The following WTIP variants were observed in gnomAD, a reference collection of about 807,000 sequenced individuals.
WTIP encodes the protein WT1 interacting protein, also known as Wilms tumor protein 1-interacting protein.
WTIP carries 23 observed loss-of-function variants against 41.7 expected under a neutral mutation model. That is an observed-to-expected ratio of 0.55 (90% confidence interval 0.40 to 0.78). The LOEUF (loss-of-function observed/expected upper bound fraction) is 0.78. Ranked by LOEUF, WTIP falls within the 30% of genes least tolerant of loss-of-function variation. The probability of loss-of-function intolerance (pLI) is 0.00; values close to 1 mark genes in which losing one functional copy is unlikely to be tolerated. For synonymous variants in WTIP, 314 were observed against 269.9 expected, an observed-to-expected ratio of 1.16 and a Z score of -1.60; for missense variants, 619 against 610.5, an observed-to-expected ratio of 1.01 and a Z score of -0.15.
intron 2 of WTIP, 122 bp downstream of exon 2, chr19:34,490,599 G>T: frequency 9.3e-7 from 1 of 1,080,838 alleles, no homozygotes. Flanking sequence ...GCCCAGGCTG[G>T]GCTGTGGAGG....
chr19:34,510,872 A>G lies in WTIP; in HGVS notation c.*10603A>G, dbSNP rs1225934510. On this transcript the variant is annotated 3_prime_UTR_variant, in exon 8 of 8. Transcript: ENST00000590071. The stretch of plus-strand genomic sequence containing the variant: ...AAGAATCACCTTTGCTCCAGTTCCC[A>G]ACAAGTTCCTCATCTCCATCTGAGA... 1.3e-5 allele frequency: 2 copies of G among 152,248 alleles called. No homozygotes were observed. Among genetic ancestry groups the G allele is most frequent in the African/African-American group, 4.8e-5 (2 of 41,456 alleles). The allele number at this position is 152,248 out of a possible 1,614,324, so 9.4% of individuals were successfully genotyped here. A position where few individuals can be genotyped will look rare whatever the true frequency, so the allele number is the denominator to read the frequency against.
At chr19:34,497,170 C>G (rs2075859117) in intron 7 of WTIP, among the ~76,000 whole-genome samples, 1 of 152,046 alleles carries the variant, frequency 6.6e-6, no homozygotes, top group South Asian at 2.1e-4. Context: ...GCCTTCTTTT[C>G]TGAATCTTGG....
rs2075769568 is a variant in WTIP at position 34,482,049 on chromosome 19, C to T, written c.75C>T (p.Pro25=). ...LAGLALRELE[P]GCGSPGRGRR... ...GGCTGGCCCTGCGGGAGCTGGAGCC[C>T]GGGTGCGGCTCTCCCGGTCGGGGGC... The change falls in exon 1 of 8, where the codon CCC becomes CCT. Residue 25 remains proline, a synonymous_variant. Coordinates refer to ENST00000590071, the MANE Select transcript of WTIP (RefSeq NM_001080436.2). 3.9e-6 allele frequency: 4 copies of T among 1,032,752 alleles called. No individual in the cohort carries two copies. In the South Asian group the frequency reaches 1.3e-4, roughly 34 times the overall value. The allele number at this position is 1,032,752 out of a possible 1,614,324, so 64.0% of individuals were successfully genotyped here. A position where few individuals can be genotyped will look rare whatever the true frequency, so the allele number is the denominator to read the frequency against.
Position 34,500,425 on chromosome 19 carries a change from T to A in WTIP, c.*156T>A. ...GGACCCCCGCGTGGAAGCTTCTATT[T>A]ATTCACCGTCTGTGCCTGCTCAAGT... On this transcript the variant is annotated 3_prime_UTR_variant, in exon 8 of 8. Transcript: ENST00000590071. 1 of 1,088,828 alleles carries A rather than the reference T, an allele frequency of 9.2e-7. No individual in the cohort carries two copies. The highest frequency in any genetic ancestry group is 1.3e-6 in the Non-Finnish European group (1 of 794,152). The allele number at this position is 1,088,828 out of a possible 1,614,324, so 67.4% of individuals were successfully genotyped here. A position where few individuals can be genotyped will look rare whatever the true frequency, so the allele number is the denominator to read the frequency against.
At chr19:34,487,097 G>A (rs1191232867) in intron 1 of WTIP, among the ~76,000 whole-genome samples, 6 of 134,960 alleles carry the variant, frequency 4.4e-5, no homozygotes, top group Non-Finnish European at 1.5e-5. Context: ...CCCAGTCCCT[G>A]CCTGCTTTTT....
intron 1 of WTIP, among the ~76,000 whole-genome samples, chr19:34,483,130 G>A (rs957173554): frequency 6.8e-6 from 1 of 147,926 alleles, no homozygotes; most frequent in Non-Finnish European, 1.5e-5. Context: ...TCAGCCTCCC[G>A]AGAAGCTGGG....
In WTIP at chr19:34,508,421, C is replaced by T. The variant is rs1217393326; in HGVS notation, c.*8152C>T. ...ACTCCCTTAGCCTTGGTTTGGTCAC[C>T]AGAAGGAGGGGACATGAGTGAAGGT... On this transcript the variant is annotated 3_prime_UTR_variant, in exon 8 of 8. Transcript: ENST00000590071. 6.6e-6 allele frequency: 1 copy of T among 152,068 alleles called. No homozygotes were observed. The highest frequency in any genetic ancestry group is 1.5e-5 in the Non-Finnish European group (1 of 68,100). The allele number at this position is 152,068 out of a possible 1,614,324, so 9.4% of individuals were successfully genotyped here.
Position 34,500,337 on chromosome 19 carries a change from C to G in WTIP, c.*68C>G. 6.8e-7 allele frequency: 1 copy of G among 1,466,110 alleles called. No individual in the cohort carries two copies. Among genetic ancestry groups the G allele is most frequent in the Non-Finnish European group, 9.1e-7 (1 of 1,103,620 alleles). The allele number at this position is 1,466,110 out of a possible 1,614,324, so 90.8% of individuals were successfully genotyped here. A position where few individuals can be genotyped will look rare whatever the true frequency, so the allele number is the denominator to read the frequency against. On this transcript the variant is annotated 3_prime_UTR_variant, in exon 8 of 8. Coordinates refer to ENST00000590071, the MANE Select transcript of WTIP (RefSeq NM_001080436.2). Reference sequence around the variant, plus strand: ...GGAGGGAGGGCCCGCGTGGGTGGCCCTGGTCAGCGTCAGGGGAGCTCCCTC... The same window carrying G: ...GGAGGGAGGGCCCGCGTGGGTGGCCGTGGTCAGCGTCAGGGGAGCTCCCTC...
At position 34,500,158 on chromosome 19, in the gene WTIP, G is replaced by A. The variant is rs1396345193; in HGVS notation, c.1182G>A (p.Glu394=). 1.2e-6 allele frequency: 2 copies of A among 1,601,160 alleles called. No homozygotes were observed. The highest frequency in any genetic ancestry group is 1.7e-6 in the Non-Finnish European group (2 of 1,179,764). ...EDCGLQLSGE[E]GRRCYPLAGH... is the part of the protein sequence containing the mutation. ...GCGGGCTGCAGCTGAGCGGGGAGGA[G>A]GGACGCCGTTGCTATCCCCTGGCGG... The change falls in exon 8 of 8, where the codon GAG becomes GAA. Residue 394 remains glutamate, a synonymous_variant. Coordinates refer to ENST00000590071, the MANE Select transcript of WTIP (RefSeq NM_001080436.2).
In WTIP at chr19:34,501,182, C is replaced by T. The variant is rs1479417151; in HGVS notation, c.*913C>T. 6.6e-6 allele frequency: 1 copy of T among 152,538 alleles called. No individual in the cohort carries two copies. Among genetic ancestry groups the T allele is most frequent in the African/African-American group, 2.4e-5 (1 of 41,426 alleles). The allele number at this position is 152,538 out of a possible 1,614,324, so 9.4% of individuals were successfully genotyped here. A position where few individuals can be genotyped will look rare whatever the true frequency, so the allele number is the denominator to read the frequency against. Reference sequence around the variant, plus strand: ...ATAATTTTCTTCTAAGATCTTGGACCAGCCTTGTTATTTTTAAAGCAAATG... The same window carrying T: ...ATAATTTTCTTCTAAGATCTTGGACTAGCCTTGTTATTTTTAAAGCAAATG... On this transcript the variant is annotated 3_prime_UTR_variant, in exon 8 of 8. Transcript: ENST00000590071.
At chr19:34,483,625 G>A (rs2075782378) in intron 1 of WTIP, among the ~76,000 whole-genome samples, 2 of 152,240 alleles carry the variant, frequency 1.3e-5, no homozygotes, top group Admixed American at 1.3e-4. Flanking sequence ...GTTTCCTAAA[G>A]GAATCCTGCT....
At chr19:34,484,847 T>G (rs1599951490) in intron 1 of WTIP, among the ~76,000 whole-genome samples, 1 of 151,262 alleles carries the variant, frequency 6.6e-6, no homozygotes, top group East Asian at 2.0e-4. Flanking sequence ...GGAGGAGCAC[T>G]TGAACCCAGG....
intron 2 of WTIP, among the ~76,000 whole-genome samples, chr19:34,491,095 T>G (rs1360361283): frequency 6.6e-6 from 1 of 152,020 alleles, no homozygotes; most frequent in African/African-American, 2.4e-5. Flanking sequence ...CTCAAAGTGC[T>G]GGGAGTACAG....
At chr19:34,485,519 A>G (rs1200953643) in intron 1 of WTIP, among the ~76,000 whole-genome samples, 1 of 152,214 alleles carries the variant, frequency 6.6e-6, no homozygotes, top group Non-Finnish European at 1.5e-5. Context: ...TACAAAAGAA[A>G]ATCTGCAGGT....
rs958206819 is a variant in WTIP, at chr19:34,501,213, A to G, written c.*944A>G. 6.5e-6 allele frequency: 1 copy of G among 152,684 alleles called. No homozygotes were observed. Among genetic ancestry groups the G allele is most frequent in the Non-Finnish European group, 1.5e-5 (1 of 68,050 alleles). 9.5% of individuals were successfully genotyped at this position (152,684 alleles called of 1,614,324 possible). On this transcript the variant is annotated 3_prime_UTR_variant, in exon 8 of 8. Coordinates refer to ENST00000590071, the MANE Select transcript of WTIP (RefSeq NM_001080436.2). ...TGTTATTTTTAAAGCAAATGCCGGC[A>G]AACTCACAAGTGTCTAGTTTGTCTG... is the stretch of plus-strand genomic sequence containing the variant.
chr19:34,490,544 A>C, intron 2 of WTIP, 67 bp downstream of exon 2: 2 of 1,475,678 alleles, frequency 1.4e-6, no homozygotes, highest in Non-Finnish European at 1.9e-6. Context: ...ATTCCCCTCA[A>C]ACTGCCTTGC....
At chr19:34,488,972 T>A (rs1388503800) in intron 1 of WTIP, among the ~76,000 whole-genome samples, 3 of 146,246 alleles carry the variant, frequency 2.1e-5, no homozygotes, top group Non-Finnish European at 3.0e-5. Flanking sequence ...CCAAAGTGGG[T>A]GAATCACCTG....
chr19:34,483,087 C>T (rs1277575835), intron 1 of WTIP, among the ~76,000 whole-genome samples: 2 of 149,186 alleles, frequency 1.3e-5, no homozygotes, highest in Non-Finnish European at 3.0e-5. Flanking sequence ...TTACTGTAGC[C>T]GTCGCCTCTC....
At chr19:34,494,740 G>A (rs571157235) in intron 6 of WTIP, 103 bp downstream of exon 6, 34 of 1,195,704 alleles carry the variant, frequency 2.8e-5, no homozygotes, top group Non-Finnish European at 3.7e-5. Flanking sequence ...TGGGAGGGAT[G>A]AGCAGGTGCT....
Sources: gnomAD v4.1 joint callset for allele counts (sites outside exome capture counted in the v4.1 genomes callset) on GRCh38, gnomAD v4.1.1 for gene constraint, MANE v1.5 for transcripts, NCBI Gene and HGNC (gene_info 2026-07-23, HGNC 2026-07-21) for gene names.